MOXD1: variants seen among roughly 807,000 people sequenced by gnomAD.
MOXD1 encodes the protein DBH-like monooxygenase protein 1.
A neutral mutation model predicts 66.6 loss-of-function variants in MOXD1; 62 were observed. The observed-to-expected ratio is 0.93, with a 90% confidence interval of 0.76 to 1.15. The LOEUF (loss-of-function observed/expected upper bound fraction) is 1.15, where lower values mean the gene tolerates loss of function less well. MOXD1 is among the 50% of genes most tolerant of loss of function. The pLI, the probability that MOXD1 is intolerant of heterozygous loss-of-function variation, is 0.00. For synonymous variants in MOXD1, 303 were observed against 281.9 expected, an observed-to-expected ratio of 1.07 and a Z score of -0.75; for missense variants, 847 against 754.6, an observed-to-expected ratio of 1.12 and a Z score of -1.44.
chr6:132,391,724 G>T (rs1301711007), intron 1 of MOXD1: 1 of 152,568 alleles, frequency 6.6e-6, no homozygotes, highest in Admixed American at 6.5e-5. Context: ...TTTCTTTGAA[G>T]TAGACTCTTG....
chr6:132,359,525 C>T (rs1196519666), intron 4 of MOXD1, among the ~76,000 whole-genome samples: 4 of 133,580 alleles, frequency 3.0e-5, no homozygotes, highest in Admixed American at 1.7e-4. Context: ...CTCGCTCTGT[C>T]GCCCAGGCTG....
At chr6:132,371,801 T>C (rs1463377206) in intron 4 of MOXD1, among the ~76,000 whole-genome samples, 1 of 152,146 alleles carries the variant, frequency 6.6e-6, no homozygotes, top group Non-Finnish European at 1.5e-5. Context: ...CATTACATAG[T>C]CTGGGAACTG....
At chr6:132,369,059 C>T (rs1006173646) in intron 4 of MOXD1, among the ~76,000 whole-genome samples, 5 of 151,994 alleles carry the variant, frequency 3.3e-5, no homozygotes, top group Admixed American at 6.6e-5. Flanking sequence ...TCCTGTGATG[C>T]GAGATGATAC....
chr6:132,340,220 T>G (rs1004800581), intron 4 of MOXD1, among the ~76,000 whole-genome samples: 2 of 152,124 alleles, frequency 1.3e-5, no homozygotes, highest in African/African-American at 4.8e-5. Flanking sequence ...ACCTCTAGGC[T>G]AAGGGATTTG....
chr6:132,351,033 G>A (rs767158961), intron 4 of MOXD1, among the ~76,000 whole-genome samples: 3 of 152,070 alleles, frequency 2.0e-5, no homozygotes, highest in Non-Finnish European at 4.4e-5. Context: ...TCAGTTCTAG[G>A]AGCTTTCTGG....
At chr6:132,301,412 T>C (rs1164598278) in intron 10 of MOXD1, among the ~76,000 whole-genome samples, 1 of 152,130 alleles carries the variant, frequency 6.6e-6, no homozygotes, top group African/African-American at 2.4e-5. Flanking sequence ...TCTTATAAAT[T>C]CAAACTGATC....
chr6:132,348,022 T>C (rs1775701747), intron 4 of MOXD1, among the ~76,000 whole-genome samples: 1 of 152,154 alleles, frequency 6.6e-6, no homozygotes, highest in Non-Finnish European at 1.5e-5. Context: ...AACACTGGCC[T>C]TCATGTCCGT....
intron 1 of MOXD1, among the ~76,000 whole-genome samples, chr6:132,380,140 C>G (rs1029819131): frequency 3.3e-5 from 5 of 152,190 alleles, no homozygotes; most frequent in Non-Finnish European, 7.3e-5. Flanking sequence ...ACAAACCTAC[C>G]TTTTAGTTCT....
intron 4 of MOXD1, among the ~76,000 whole-genome samples, chr6:132,343,842 T>C (rs1393270162): frequency 1.3e-5 from 2 of 152,122 alleles, no homozygotes; most frequent in Non-Finnish European, 2.9e-5. Flanking sequence ...AATAATAAAA[T>C]GGATCTATAC....
chr6:132,325,504 C>T (rs917622654), intron 6 of MOXD1, among the ~76,000 whole-genome samples: 2 of 152,162 alleles, frequency 1.3e-5, no homozygotes, highest in African/African-American at 4.8e-5. Context: ...CTGTCTTTAC[C>T]CTTCCACCAT....
rs1281913132 is a variant in MOXD1 at position 132,359,513 on chromosome 6, G to A, written c.663+13095C>T. Among the ~76,000 whole-genome samples, 4 of 140,778 alleles carry A rather than the reference G, an allele frequency of 2.8e-5. No individual in the cohort carries two copies. In the East Asian group the frequency reaches 8.3e-4, roughly 29 times the overall value. The allele number at this position is 140,778 out of a possible 152,430, so 92.4% of individuals were successfully genotyped here. The stretch of plus-strand genomic sequence containing the variant: ...CTTTTTTTTTTTTTTTTGAGACGGA[G>A]TCTCGCTCTGTCGCCCAGGCTGGAG... On this transcript the variant is annotated intron_variant, in intron 4 of 11. Coordinates refer to ENST00000367963, the MANE Select transcript of MOXD1 (RefSeq NM_015529.4).
At chr6:132,390,647 T>G (rs963186139) in intron 1 of MOXD1, 5 of 151,598 alleles carry the variant, frequency 3.3e-5, no homozygotes, top group African/African-American at 1.2e-4. Flanking sequence ...TTCTGAGTAC[T>G]TTCCTGAAAC....
chr6:132,374,414 A>T (rs1232551380), intron 2 of MOXD1, among the ~76,000 whole-genome samples: 1 of 152,124 alleles, frequency 6.6e-6, no homozygotes, highest in African/African-American at 2.4e-5. Context: ...TTAAACTCAC[A>T]CAAAAATGGA....
chr6:132,319,398 T>C (rs2114564787), intron 9 of MOXD1, among the ~76,000 whole-genome samples: 1 of 152,114 alleles, frequency 6.6e-6, no homozygotes, highest in African/African-American at 2.4e-5. Flanking sequence ...CGGTATCTCT[T>C]ACTGTCTTTA....
At position 132,315,989 on chromosome 6, in the gene MOXD1, T is replaced by C. The variant is rs186479486; in HGVS notation, c.1366-212A>G. ...ACTTTAAAAATTTGCCTTTCTTAAA[T>C]AACCTAATAAATTCTGCGGATGGGA... On this transcript the variant is annotated intron_variant, in intron 9 of 11. Transcript: ENST00000367963. 2.3e-3 allele frequency among the ~76,000 whole-genome samples: 353 copies of C among 152,270 alleles called. 2 individuals are homozygous for C. The highest frequency in any genetic ancestry group is 4.1e-3 in the Non-Finnish European group (280 of 67,994).
chr6:132,345,066 G>A (rs1775643976), intron 4 of MOXD1, among the ~76,000 whole-genome samples: 1 of 152,198 alleles, frequency 6.6e-6, no homozygotes, highest in African/African-American at 2.4e-5. Flanking sequence ...CCAGAGTGGG[G>A]CAATGGGAAC....
At chr6:132,298,951 A>T (rs1215182643) in intron 10 of MOXD1, among the ~76,000 whole-genome samples, 1 of 152,162 alleles carries the variant, frequency 6.6e-6, no homozygotes, top group Non-Finnish European at 1.5e-5. Flanking sequence ...AAATAGTTCT[A>T]CCAAAAAGAC....
intron 4 of MOXD1, among the ~76,000 whole-genome samples, chr6:132,364,181 CCTTA>C (rs777884501): frequency 2.0e-5 from 3 of 152,064 alleles, no homozygotes; most frequent in Non-Finnish European, 4.4e-5. Flanking sequence ...TGGTTTTTAT[CCTTA>C]CTTAGACAAG....
chr6:132,369,051 C>T (rs551546943), intron 4 of MOXD1, among the ~76,000 whole-genome samples: 3 of 152,160 alleles, frequency 2.0e-5, no homozygotes, highest in African/African-American at 7.2e-5. Flanking sequence ...CTCACCCTTC[C>T]TGTGATGCGA....
Sources: allele counts gnomAD v4.1 joint callset (sites outside exome capture counted in the v4.1 genomes callset), GRCh38; gene constraint gnomAD v4.1.1; transcripts MANE v1.5; gene names NCBI Gene and HGNC (gene_info 2026-07-23, HGNC 2026-07-21).